The following EZR variants were observed in gnomAD, a reference collection of about 807,000 sequenced individuals.
EZR encodes the protein cytovillin 2.
Under a neutral mutation model 74.8 loss-of-function variants are expected in EZR, and 40 were observed. The ratio of observed to expected loss-of-function variants is 0.53; its 90% CI spans 0.42 to 0.70. The LOEUF is 0.70. Ranked by LOEUF, EZR falls within the 30% of genes least tolerant of loss-of-function variation. The pLI is 0.00. For missense variants in EZR, 678 were observed against 755.8 expected (o/e 0.90, Z 1.21); for synonymous variants, 341 against 283.3 (o/e 1.20, Z -2.05).
chr6:158,798,763 G>A (rs994537792), intron 2 of EZR, among the ~76,000 whole-genome samples: 1 of 151,722 alleles, frequency 6.6e-6, no homozygotes, highest in African/African-American at 2.4e-5. Flanking sequence ...TCCTTAGCTG[G>A]GACCACAGGC....
chr6:158,781,905 G>A (rs771732410), intron 7 of EZR, among the ~76,000 whole-genome samples: 7 of 151,230 alleles, frequency 4.6e-5, no homozygotes, highest in Non-Finnish European at 8.8e-5. Context: ...GACCACAGGC[G>A]TGCACCACCA....
At position 158,819,332 on chromosome 6, in the gene EZR, C is replaced by G. The variant is rs973639041; in HGVS notation, c.-89G>C. On this transcript the variant is annotated 5_prime_UTR_variant, in exon 1 of 14. Coordinates refer to ENST00000367075, the MANE Select transcript of EZR (RefSeq NM_001111077.2). ...CACGCCTCACCCGGCGCCTGCAGTG[C>G]TCCGTGTGCTCCCCGCCGCCCTTGC... 5.9e-5 allele frequency: 9 copies of G among 152,850 alleles called. No individual in the cohort carries two copies. The highest frequency in any genetic ancestry group is 1.4e-4 in the African/African-American group (6 of 41,432). 9.5% of individuals were successfully genotyped at this position (152,850 alleles called of 1,614,324 possible).
rs35411907 is a variant in EZR, at chr6:158,789,322, T to G, written c.62A>C (p.Gln21Pro). The G allele has an allele frequency of 1.9e-6, 3 of 1,614,136 alleles. No homozygotes were observed. In the African/African-American group the frequency reaches 4.0e-5, roughly 22 times the overall value. ...AAGCTGTTTTCCAGTTGTATTTGGC[T>G]GGATTGCAAACTCCAGCTCTGCATC... ...TMDAELEFAIQPNTTGKQLFD... is the reference protein window; with the variant it reads ...TMDAELEFAIPPNTTGKQLFD... The change falls in exon 3 of 14, where the codon CAG (glutamine) becomes CCG (proline). Residue 21 changes from glutamine to proline, a missense_variant. Coordinates refer to ENST00000367075, the MANE Select transcript of EZR (RefSeq NM_001111077.2).
At chr6:158,783,246 C>A (rs7745928) in intron 7 of EZR, among the ~76,000 whole-genome samples, 5,867 of 75,736 alleles carry the variant, frequency 0.077, 368 homozygotes, top group African/African-American at 0.19. Flanking sequence ...TCAGAGGCAG[C>A]GGGGAGGAGA....
rs146254762 is a variant in EZR at position 158,767,077 on chromosome 6, G to A, written c.1598C>T (p.Thr533Met). ...KNERVQRQLL[T>M]LSSELSQARD... ...GGCCTGGGACAGCTCGCTGCTCAGC[G>A]TCTGTAACATTAAGCAGCATTGGTC... The change falls in exon 14 of 14, where the codon ACG becomes ATG. Residue 533 changes from threonine to methionine, a missense_variant and splice_region_variant. Transcript: ENST00000367075. 157 of 1,614,112 alleles carry A rather than the reference G, an allele frequency of 9.7e-5. 1 individual carries two copies. Among genetic ancestry groups the A allele is most frequent in the African/African-American group, 7.3e-4 (55 of 75,026 alleles).
chr6:158,819,289 T>A (rs1233862756), intron 1 of EZR, 28 bp downstream of exon 1: 1 of 151,364 alleles, frequency 6.6e-6, no homozygotes, highest in Non-Finnish European at 1.5e-5. Flanking sequence ...AGAACCCCCG[T>A]CCCGACCCCG....
At chr6:158,770,666 T>C (rs1042511387) in intron 10 of EZR, 98 bp downstream of exon 10, 24 of 1,433,490 alleles carry the variant, frequency 1.7e-5, no homozygotes, top group Non-Finnish European at 2.3e-5. Flanking sequence ...GGACACGTTC[T>C]TGGTTTCCTT....
chr6:158,792,834 C>A, intron 2 of EZR, among the ~76,000 whole-genome samples: 1 of 132,870 alleles, frequency 7.5e-6, no homozygotes, highest in African/African-American at 2.7e-5. Context: ...AAAAAGTAAG[C>A]TACTGAGAAG....
At chr6:158,773,148 G>C (rs1252623665) in intron 8 of EZR, among the ~76,000 whole-genome samples, 1 of 152,234 alleles carries the variant, frequency 6.6e-6, no homozygotes, top group African/African-American at 2.4e-5. Flanking sequence ...CCCTGACTCA[G>C]AAAACGCTGA....
chr6:158,789,408 G>A, intron 2 of EZR, 37 bp from the exon 3 acceptor site: 4 of 1,572,964 alleles, frequency 2.5e-6, no homozygotes, highest in Non-Finnish European at 3.5e-6. Context: ...GCTTAACTGA[G>A]TATTCTTTTC....
At chr6:158,785,230 T>A (rs1355724082) in intron 5 of EZR, 79 bp downstream of exon 5, 1 of 1,555,400 alleles carries the variant, frequency 6.4e-7, no homozygotes, top group Admixed American at 1.8e-5. Context: ...GTTTTTAAAC[T>A]GTGCTTCTAA....
intron 7 of EZR, 72 bp from the exon 8 acceptor site, chr6:158,776,576 A>T: frequency 9.5e-7 from 1 of 1,052,760 alleles, no homozygotes; most frequent in Admixed American, 2.3e-5. Context: ...AGAGATTCGC[A>T]AATCAATTCT....
At chr6:158,789,179 A>AC in intron 3 of EZR, 109 bp downstream of exon 3, 1 of 733,512 alleles carries the variant, frequency 1.4e-6, no homozygotes, top group South Asian at 1.8e-5. Context: ...CTCATCTATT[A>AC]CCTCAAGTGA....
At chr6:158,811,254 G>A (rs910902685) in intron 2 of EZR, among the ~76,000 whole-genome samples, 2 of 152,210 alleles carry the variant, frequency 1.3e-5, no homozygotes, top group African/African-American at 2.4e-5. Context: ...TCTCAAGGTA[G>A]TTACTACTGA....
intron 9 of EZR, 29 bp downstream of exon 9, chr6:158,771,215 C>CA (rs765510889): frequency 6.4e-7 from 1 of 1,559,480 alleles, no homozygotes; most frequent in African/African-American, 1.6e-5. Flanking sequence ...AGAACACAGG[C>CA]CCCCCCCACT....
chr6:158,815,960 CAAAAT>C (rs1777544308), intron 2 of EZR, among the ~76,000 whole-genome samples: 2 of 151,526 alleles, frequency 1.3e-5, no homozygotes, highest in South Asian at 2.1e-4. Context: ...ACCTCTAAAA[CAAAAT>C]GAAATGAAAA....
chr6:158,813,317 T>C (rs1777487057), intron 2 of EZR, among the ~76,000 whole-genome samples: 3 of 152,228 alleles, frequency 2.0e-5, no homozygotes. Context: ...TCAGGCCTCA[T>C]GTACCCCTCT....
rs771216905 is a variant in EZR, at chr6:158,785,488, G to C, written c.288C>G (p.Asp96Glu). The C allele has an allele frequency of 1.2e-6, 2 of 1,614,194 alleles. No individual in the cohort carries two copies. Among genetic ancestry groups the C allele is most frequent in the East Asian group, 2.2e-5 (1 of 44,878 alleles). ...GGAGGAAGAAAAGTTTCTGGGTGATGTCCTGGATGAGCTCCTCAGCCACAT... is the reference window on the plus strand; with the variant it reads ...GGAGGAAGAAAAGTTTCTGGGTGATCTCCTGGATGAGCTCCTCAGCCACAT... The part of the protein sequence containing the change: ...PEDVAEELIQ[D>E]ITQKLFFLQV... The change falls in exon 5 of 14, where the codon GAC becomes GAG. Residue 96 changes from aspartate (D) to glutamate (E), a missense_variant. By Grantham distance (45) the Asp-to-Glu change is conservative (BLOSUM62 2). Transcript: ENST00000367075.
chr6:158,814,027 G>T (rs1777501428), intron 2 of EZR, among the ~76,000 whole-genome samples: 1 of 152,158 alleles, frequency 6.6e-6, no homozygotes, highest in South Asian at 2.1e-4. Flanking sequence ...CGGGCAGAGA[G>T]GATGCTTCCG....
Sources: gnomAD v4.1 joint callset for allele counts (sites outside exome capture counted in the v4.1 genomes callset) on GRCh38, gnomAD v4.1.1 for gene constraint, MANE v1.5 for transcripts, NCBI Gene and HGNC (gene_info 2026-07-23, HGNC 2026-07-21) for gene names.